The following HK2 variants were observed in gnomAD, a reference collection of about 807,000 sequenced individuals.
HK2 encodes the protein hexokinase-2.
HK2 carries 42 observed loss-of-function variants against 92.9 expected under a neutral mutation model. The observed-to-expected ratio is 0.45, with a 90% CI of 0.35 to 0.58. HK2 has a LOEUF of 0.58. Ranked by LOEUF, HK2 falls within the 20% of genes least tolerant of loss-of-function variation. HK2 has a pLI of 0.00. For missense variants in HK2, 978 were observed against 1,245.1 expected (o/e 0.79, Z 3.23); for synonymous variants, 422 against 468.0 (o/e 0.90, Z 1.27).
At chr2:74,887,028 G>T (rs755174404) in intron 15 of HK2, among the ~76,000 whole-genome samples, 1 of 152,192 alleles carries the variant, frequency 6.6e-6, no homozygotes, top group South Asian at 2.1e-4. Context: ...ATCTTCCAGC[G>T]CCGAGCACCA....
intron 4 of HK2, 51 bp from the exon 5 acceptor site, chr2:74,873,225 G>T: frequency 7.4e-7 from 1 of 1,346,058 alleles, no homozygotes; most frequent in South Asian, 1.2e-5. Context: ...GGTGTGGTGT[G>T]AGTTTCAGTT....
intron 13 of HK2, 95 bp from the exon 14 acceptor site, chr2:74,886,195 GATAT>G (rs1235358993): frequency 1.1e-6 from 1 of 891,010 alleles, no homozygotes; most frequent in Non-Finnish European, 1.9e-6. Context: ...CATGGTGTAT[GATAT>G]ATATTTTATA....
At chr2:74,841,519 A>T (rs1259384091) in intron 1 of HK2, among the ~76,000 whole-genome samples, 1 of 152,196 alleles carries the variant, frequency 6.6e-6, no homozygotes, top group East Asian at 1.9e-4. Flanking sequence ...ACAGCAAGTT[A>T]GTAGCCCTAG....
intron 4 of HK2, 52 bp from the exon 5 acceptor site, chr2:74,873,224 T>G: frequency 2.8e-5 from 38 of 1,335,250 alleles, no homozygotes; most frequent in Non-Finnish European, 3.8e-5. Context: ...GGGTGTGGTG[T>G]GAGTTTCAGT....
chr2:74,888,147 T>C, intron 16 of HK2, 89 bp downstream of exon 16: 1 of 1,421,168 alleles, frequency 7.0e-7, no homozygotes, highest in Non-Finnish European at 9.9e-7. Flanking sequence ...ACTCAGGGCA[T>C]GACTCATACA....
intron 1 of HK2, among the ~76,000 whole-genome samples, chr2:74,850,518 C>T (rs76549563): frequency 0.013 from 2,050 of 152,208 alleles, 36 homozygotes; most frequent in African/African-American, 0.046. Flanking sequence ...GTGGGATTTT[C>T]GAACTAGTTA....
In HK2 at chr2:74,844,674, C is replaced by A. The variant is rs575171135; in HGVS notation, c.64-9619C>A. 6.7e-3 allele frequency among the ~76,000 whole-genome samples: 1,027 copies of A among 152,232 alleles called. 8 individuals are homozygous for A. The highest frequency in any genetic ancestry group is 0.012 in the Non-Finnish European group (831 of 68,006). ...AGAGGCTCAGAGGCAGATTCTGGTC[C>A]CTGGCCTGGGGCTGTCGAGGGGTAG... On this transcript the variant is annotated intron_variant, in intron 1 of 17. Transcript: ENST00000290573.
chr2:74,866,502 C>T (rs1338981889), intron 2 of HK2, among the ~76,000 whole-genome samples: 4 of 152,210 alleles, frequency 2.6e-5, no homozygotes, highest in Admixed American at 6.5e-5. Flanking sequence ...CTGCAGGTTC[C>T]GCGCCTCTTC....
intron 2 of HK2, among the ~76,000 whole-genome samples, chr2:74,858,127 A>G (rs1688735116): frequency 6.6e-6 from 1 of 152,258 alleles, no homozygotes; most frequent in Non-Finnish European, 1.5e-5. Context: ...AGCAAGAAAC[A>G]CATGCATATA....
chr2:74,880,196 T>C, intron 9 of HK2, 69 bp from the exon 10 acceptor site: 1 of 1,559,310 alleles, frequency 6.4e-7, no homozygotes, highest in Non-Finnish European at 8.8e-7. Flanking sequence ...GGTGGGCAAC[T>C]GTCTAACTAT....
chr2:74,875,991 C>T (rs1338362401), intron 7 of HK2, among the ~76,000 whole-genome samples: 1 of 152,188 alleles, frequency 6.6e-6, no homozygotes, highest in Admixed American at 6.5e-5. Context: ...AAGTATCTTC[C>T]AAATGTTGAC....
chr2:74,878,799 C>G lies in HK2; in HGVS notation c.1143C>G (p.Arg381=). The change falls in exon 9 of 18, where the codon CGC becomes CGG. Residue 381 remains arginine (R), a synonymous_variant. Transcript: ENST00000290573. Reference sequence around the variant, plus strand: ...GGATCTGCCAGATCGTGTCCACACGCTCCGCCAGCCTGTGCGCAGCCACCC... The same window carrying G: ...GGATCTGCCAGATCGTGTCCACACGGTCCGCCAGCCTGTGCGCAGCCACCC... The part of the protein sequence containing the change: ...THRICQIVST[R]SASLCAATLA... 6.4e-7 allele frequency: 1 copy of G among 1,559,476 alleles called. No homozygotes were observed. The highest frequency in any genetic ancestry group is 8.7e-7 in the Non-Finnish European group (1 of 1,152,716).
Position 74,888,084 on chromosome 2 carries a change from AG to A in HK2, c.2375+32del, listed in dbSNP as rs770185427. 6 of 1,613,118 alleles carry A rather than the reference AG, an allele frequency of 3.7e-6. No individual in the cohort carries two copies. The South Asian group carries it at 4.4e-5, about 12-fold the overall frequency. The stretch of plus-strand genomic sequence containing the variant: ...GTGAGAGCTTAGGGCTCAGGGTAGC[AG>A]GGGGGCCATGTCCTTTTTTCTCACT... On this transcript the variant is annotated intron_variant, in intron 16 of 17. Coordinates refer to ENST00000290573, the MANE Select transcript of HK2 (RefSeq NM_000189.5).
In HK2 at chr2:74,878,819, C is replaced by T. The variant is rs1480144771; in HGVS notation, c.1163C>T (p.Ala388Val). ...VSTRSASLCAATLAAVLQRIK... is the reference protein window; with the variant it reads ...VSTRSASLCAVTLAAVLQRIK... ...ACACGCTCCGCCAGCCTGTGCGCAG[C>T]CACCCTGGCCGCCGTGCTGCAGCGC... Residue 388 changes from alanine to valine, a missense_variant, in exon 9 of 18, where the codon GCC becomes GTC. Coordinates refer to ENST00000290573, the MANE Select transcript of HK2 (RefSeq NM_000189.5). 1 of 1,559,798 alleles carries T rather than the reference C, an allele frequency of 6.4e-7. No individual in the cohort carries two copies.
At position 74,867,962 on chromosome 2, in the gene HK2, T is replaced by A. The variant is rs1252455266; in HGVS notation, c.375+178T>A. On this transcript the variant is annotated intron_variant, in intron 3 of 17. Coordinates refer to ENST00000290573, the MANE Select transcript of HK2 (RefSeq NM_000189.5). ...GGAGCTCAGGCTGTTCTGGTTGTAT[T>A]TTATACCCAACATGTACTCAGTATT... The A allele has an allele frequency of 4.2e-6, 3 of 715,788 alleles. No homozygotes were observed. The African/African-American group carries it at 5.2e-5, about 12-fold the overall frequency. The allele number at this position is 715,788 out of a possible 1,614,324, so 44.3% of individuals were successfully genotyped here. A position where few individuals can be genotyped will look rare whatever the true frequency, so the allele number is the denominator to read the frequency against.
intron 3 of HK2, among the ~76,000 whole-genome samples, chr2:74,869,588 T>C (rs895747943): frequency 1.3e-5 from 2 of 152,214 alleles, no homozygotes; most frequent in Admixed American, 6.5e-5. Context: ...ATTGCAAACC[T>C]GAATGGCAGC....
chr2:74,873,797 G>C, intron 5 of HK2, 47 bp from the exon 6 acceptor site: 2 of 1,311,230 alleles, frequency 1.5e-6, no homozygotes, highest in Non-Finnish European at 2.2e-6. Context: ...TAGGAAAGTC[G>C]CCCTCTGTGA....
Position 74,891,809 on chromosome 2 carries a change from A to G in HK2, c.*868A>G, listed in dbSNP as rs1346777536. 1 of 152,606 alleles carries G rather than the reference A, an allele frequency of 6.6e-6. No individual in the cohort carries two copies. Among genetic ancestry groups the G allele is most frequent in the Non-Finnish European group, 1.5e-5 (1 of 68,044 alleles). The allele number at this position is 152,606 out of a possible 1,614,324, so 9.5% of individuals were successfully genotyped here. On this transcript the variant is annotated 3_prime_UTR_variant, in exon 18 of 18. Coordinates refer to ENST00000290573, the MANE Select transcript of HK2 (RefSeq NM_000189.5). ...TGTAATGAATGGTCAGTTGTACGTA[A>G]TGTATTTATATGTTAATTTGTTATG... is the stretch of plus-strand genomic sequence containing the variant.
At chr2:74,854,049 G>C (rs886961533) in intron 1 of HK2, among the ~76,000 whole-genome samples, 3 of 151,756 alleles carry the variant, frequency 2.0e-5, no homozygotes, top group Non-Finnish European at 2.9e-5. Context: ...GTCCTAATAG[G>C]CCTTTCCTCA....
Sources: allele counts gnomAD v4.1 joint callset (sites outside exome capture counted in the v4.1 genomes callset), GRCh38; gene constraint gnomAD v4.1.1; transcripts MANE v1.5; gene names NCBI Gene and HGNC (gene_info 2026-07-23, HGNC 2026-07-21).